The following TGFBR2 variants were observed in gnomAD, a reference collection of about 807,000 sequenced individuals.
The protein encoded by TGFBR2 is TGF-beta receptor type-2.
A neutral mutation model predicts 49.0 loss-of-function variants in TGFBR2; 18 were observed. That is an observed-to-expected ratio of 0.37 (90% CI 0.25 to 0.54). The LOEUF (loss-of-function observed/expected upper bound fraction) is 0.54. Ranked by LOEUF, TGFBR2 falls within the 20% of genes least tolerant of loss-of-function variation. The probability of loss-of-function intolerance (pLI) is 0.85; values close to 1 mark genes in which losing one functional copy is unlikely to be tolerated. For missense variants in TGFBR2, 525 were observed against 722.6 expected (o/e 0.73, Z 3.13); for synonymous variants, 282 against 275.9 (o/e 1.02, Z -0.22).
intron 1 of TGFBR2, among the ~76,000 whole-genome samples, chr3:30,614,115 C>CTTTTTTTTTTTTT (rs5847643): frequency 2.5e-5 from 3 of 120,628 alleles, no homozygotes; most frequent in East Asian, 2.4e-4. Flanking sequence ...TTTTTCTTTC[C>CTTTTTTTTTTTTT]TTTTTTTTTT....
chr3:30,615,567 T>C (rs1030634467), intron 1 of TGFBR2, among the ~76,000 whole-genome samples: 1 of 152,152 alleles, frequency 6.6e-6, no homozygotes, highest in African/African-American at 2.4e-5. Flanking sequence ...ATTCTCTCAA[T>C]AGAGAATATT....
rs540108810 is a variant in TGFBR2 at position 30,616,285 on chromosome 3, C to T, written c.94+9308C>T. Among the ~76,000 whole-genome samples the T allele has an allele frequency of 1.2e-4, 18 of 152,256 alleles. No individual in the cohort carries two copies. The East Asian group carries it at 2.7e-3, about 23-fold the overall frequency. Reference sequence around the variant, plus strand: ...GAGACTGAAATCTGCATTGTTATTTCACAAAACCAAAATATTTTTCCTCCA... The same window carrying T: ...GAGACTGAAATCTGCATTGTTATTTTACAAAACCAAAATATTTTTCCTCCA... On this transcript the variant is annotated intron_variant, in intron 1 of 6. Coordinates refer to ENST00000295754, the MANE Select transcript of TGFBR2 (RefSeq NM_003242.6).
chr3:30,660,611 G>A (rs114507444), intron 3 of TGFBR2, among the ~76,000 whole-genome samples: 617 of 152,218 alleles, frequency 4.1e-3, no homozygotes, highest in Non-Finnish European at 6.9e-3. Flanking sequence ...GCCTTCGAAG[G>A]TTAGAGGAGG....
intron 3 of TGFBR2, among the ~76,000 whole-genome samples, chr3:30,656,006 A>G (rs1698989325): frequency 6.6e-6 from 1 of 152,174 alleles, no homozygotes; most frequent in Non-Finnish European, 1.5e-5. Context: ...CAAGGCCTTC[A>G]GTGATTTGTT....
rs1024104918 is a variant in TGFBR2 at position 30,688,604 on chromosome 3, G to A, written c.1524+93G>A. 11 of 1,555,758 alleles carry A rather than the reference G, an allele frequency of 7.1e-6. No homozygotes were observed. The East Asian group carries it at 1.6e-4, about 23-fold the overall frequency. On this transcript the variant is annotated intron_variant, in intron 6 of 6. Coordinates refer to ENST00000295754, the MANE Select transcript of TGFBR2 (RefSeq NM_003242.6). The stretch of plus-strand genomic sequence containing the variant: ...CTGGAATATTGAGCTTAAATCTGAG[G>A]GAAGGTCCCATTGTGTTCTATGGCC...
intron 3 of TGFBR2, among the ~76,000 whole-genome samples, chr3:30,669,363 A>G (rs930268539): frequency 2.6e-5 from 4 of 152,112 alleles, no homozygotes; most frequent in African/African-American, 9.7e-5. Flanking sequence ...AATTTAGGAT[A>G]TGAACACACA....
At chr3:30,687,010 G>A (rs572766553) in intron 5 of TGFBR2, among the ~76,000 whole-genome samples, 1 of 152,268 alleles carries the variant, frequency 6.6e-6, no homozygotes, top group East Asian at 1.9e-4. Context: ...GAATGAGAAA[G>A]GGACTCAACT....
intron 3 of TGFBR2, among the ~76,000 whole-genome samples, chr3:30,657,753 C>A (rs1699034487): frequency 6.6e-6 from 1 of 152,150 alleles, no homozygotes; most frequent in African/African-American, 2.4e-5. Flanking sequence ...TTCTCCTCTT[C>A]CCTGCAAATT....
In TGFBR2 at chr3:30,672,541, G is replaced by T; in HGVS notation, c.1254+104G>T. On this transcript the variant is annotated intron_variant, in intron 4 of 6. Transcript: ENST00000295754. The surrounding 1 kb of genome is among the most constrained non-coding windows in gnomAD (Gnocchi z 4.5). Reference sequence around the variant, plus strand: ...TTATCTCAAACAGCCCTGTACTCTGGACACTGGTCTAGGGAATCTAGCCAA... The same window carrying T: ...TTATCTCAAACAGCCCTGTACTCTGTACACTGGTCTAGGGAATCTAGCCAA... 1.6e-6 allele frequency: 2 copies of T among 1,287,632 alleles called. No individual in the cohort carries two copies. Among genetic ancestry groups the T allele is most frequent in the Non-Finnish European group, 2.3e-6 (2 of 887,118 alleles). The allele number at this position is 1,287,632 out of a possible 1,614,324, so 79.8% of individuals were successfully genotyped here.
chr3:30,672,076 A>G lies in TGFBR2; in HGVS notation c.893A>G (p.Asn298Ser), dbSNP rs751587466. The change falls in exon 4 of 7, where the codon AAT becomes AGT. Residue 298 changes from asparagine to serine, a missense_variant. This residue lies in a region of TGFBR2 where 376 missense variants were observed against 478.2 expected (regional missense o/e 0.79). Coordinates refer to ENST00000295754, the MANE Select transcript of TGFBR2 (RefSeq NM_003242.6). This position sits in a 1 kb window ranked among gnomAD's most constrained non-coding sequence, Gnocchi z 4.5. ...KTEKDIFSDI[N>S]LKHENILQFL... ...GAGAAGGACATCTTCTCAGACATCA[A>G]TCTGAAGCATGAGAACATACTCCAG... 61 of 1,614,228 alleles carry G rather than the reference A, an allele frequency of 3.8e-5. No individual in the cohort carries two copies. Among genetic ancestry groups the G allele is most frequent in the East Asian group, 6.7e-5 (3 of 44,878 alleles).
chr3:30,623,763 C>T (rs533547659), intron 1 of TGFBR2, among the ~76,000 whole-genome samples: 1 of 151,754 alleles, frequency 6.6e-6, no homozygotes, highest in East Asian at 1.9e-4. Flanking sequence ...AAGTGCACTT[C>T]TTCATCATAT....
At chr3:30,654,385 AC>A (rs1698956711) in intron 3 of TGFBR2, among the ~76,000 whole-genome samples, 1 of 152,148 alleles carries the variant, frequency 6.6e-6, no homozygotes. Context: ...CCTACCCTTA[AC>A]CCTGGAATCC....
chr3:30,642,368 G>C (rs553614410), intron 1 of TGFBR2, among the ~76,000 whole-genome samples: 1 of 152,112 alleles, frequency 6.6e-6, no homozygotes, highest in Non-Finnish European at 1.5e-5. Flanking sequence ...ACTAACTATA[G>C]GTCTGGGTTC....
At chr3:30,682,543 C>T (rs907729511) in intron 5 of TGFBR2, among the ~76,000 whole-genome samples, 1 of 152,074 alleles carries the variant, frequency 6.6e-6, no homozygotes, top group African/African-American at 2.4e-5. Context: ...AGAGAGAGGC[C>T]CAAGGTCAAG....
chr3:30,688,071 C>T (rs1325812852), intron 5 of TGFBR2, among the ~76,000 whole-genome samples: 10 of 152,190 alleles, frequency 6.6e-5, no homozygotes, highest in Admixed American at 2.0e-4. Flanking sequence ...CAATATCCCC[C>T]TGTAGAAAAT....
chr3:30,674,018 G>A lies in TGFBR2; in HGVS notation c.1255-87G>A, dbSNP rs575264583. The A allele has an allele frequency of 1.4e-4, 211 of 1,531,162 alleles. 1 individual carries two copies. The South Asian group carries it at 1.8e-3, about 13-fold the overall frequency. 94.8% of individuals were successfully genotyped at this position (1,531,162 alleles called of 1,614,324 possible). A position where few individuals can be genotyped will look rare whatever the true frequency, so the allele number is the denominator to read the frequency against. On this transcript the variant is annotated intron_variant, in intron 4 of 6. Transcript: ENST00000295754. The stretch of plus-strand genomic sequence containing the variant: ...GATTTTTTAAAAAAATCCTCTGCAC[G>A]TGTCAGGGGCCACCATCAGCTATAT...
intron 1 of TGFBR2, among the ~76,000 whole-genome samples, chr3:30,638,772 A>G (rs950231745): frequency 2.6e-5 from 4 of 151,850 alleles, no homozygotes; most frequent in African/African-American, 9.7e-5. Context: ...TATACAGGGA[A>G]TCCTCTCAGA....
intron 1 of TGFBR2, among the ~76,000 whole-genome samples, chr3:30,637,809 A>G (rs1468702234): frequency 6.6e-6 from 1 of 152,236 alleles, no homozygotes; most frequent in African/African-American, 2.4e-5. Context: ...TGTCCTTACA[A>G]ACAACACTGC....
In TGFBR2 at chr3:30,632,927, T is replaced by G. The variant is rs1253386360; in HGVS notation, c.95-11820T>G. Among the ~76,000 whole-genome samples the G allele has an allele frequency of 4.6e-5, 7 of 152,348 alleles. No homozygotes were observed. In the South Asian group the frequency reaches 1.0e-3, roughly 23 times the overall value. On this transcript the variant is annotated intron_variant, in intron 1 of 6. Coordinates refer to ENST00000295754, the MANE Select transcript of TGFBR2 (RefSeq NM_003242.6). ...AGCTGACCTTATTATATATGTCTCC[T>G]AAAATAAGTGAAGTAATTACAAAGA...
Sources: gnomAD v4.1 joint callset for allele counts (sites outside exome capture counted in the v4.1 genomes callset) on GRCh38, gnomAD v4.1.1 for gene constraint, gnomAD v4.1.1 regional missense constraint, Gnocchi (gnomAD v3.1) non-coding constraint, MANE v1.5 for transcripts, NCBI Gene and HGNC (gene_info 2026-07-23, HGNC 2026-07-21) for gene names.